Variants in PTPRN2 observed in about 807,000 individuals in gnomAD.
PTPRN2 encodes protein tyrosine phosphatase receptor type N2, also known as receptor-type tyrosine-protein phosphatase N2.
In PTPRN2, 74 loss-of-function variants were observed where a neutral mutation model predicts 118.8. The ratio of observed to expected loss-of-function variants is 0.62; its 90% CI spans 0.52 to 0.76. The LOEUF (loss-of-function observed/expected upper bound fraction) is 0.76. PTPRN2 is among the 30% of genes least tolerant of loss of function. The probability of loss-of-function intolerance (pLI) is 0.00; values close to 1 mark genes in which losing one functional copy is unlikely to be tolerated. For missense variants in PTPRN2, 1,481 were observed against 1,394.4 expected (o/e 1.06, Z -0.99); for synonymous variants, 641 against 608.0 (o/e 1.05, Z -0.80).
intron 12 of PTPRN2, among the ~76,000 whole-genome samples, chr7:157,701,768 G>A (rs1798078726): frequency 6.6e-6 from 1 of 152,166 alleles, no homozygotes; most frequent in Non-Finnish European, 1.5e-5. Context: ...TGGTGTAACT[G>A]ACACGGGCTG....
intron 12 of PTPRN2, among the ~76,000 whole-genome samples, chr7:157,761,598 T>C (rs1198851676): frequency 7.0e-6 from 1 of 142,056 alleles, no homozygotes; most frequent in African/African-American, 2.7e-5. Context: ...CAAAAATCAA[T>C]TCAAGATGGA....
At chr7:157,896,806 T>C (rs987185650) in intron 12 of PTPRN2, among the ~76,000 whole-genome samples, 1 of 152,206 alleles carries the variant, frequency 6.6e-6, no homozygotes, top group Non-Finnish European at 1.5e-5. Flanking sequence ...GCTCCACCTG[T>C]CACCATGTCC....
chr7:158,202,963 G>T (rs149490667), intron 4 of PTPRN2, among the ~76,000 whole-genome samples: 1 of 152,066 alleles, frequency 6.6e-6, no homozygotes, highest in Non-Finnish European at 1.5e-5. Context: ...GCCAGATGTG[G>T]TGGCTCATGC....
intron 16 of PTPRN2, among the ~76,000 whole-genome samples, chr7:157,600,120 C>T (rs1328752491): frequency 1.2e-5 from 1 of 82,458 alleles, no homozygotes; most frequent in Non-Finnish European, 2.5e-5. Flanking sequence ...CACCTCTCCA[C>T]CTGCCCACCT....
chr7:158,359,034 G>A (rs1417537099), intron 2 of PTPRN2, among the ~76,000 whole-genome samples: 1 of 152,166 alleles, frequency 6.6e-6, no homozygotes, highest in South Asian at 2.1e-4. Context: ...TAAGGAGTCT[G>A]GACTATGAGG....
At chr7:158,185,965 T>C (rs542921722) in intron 5 of PTPRN2, among the ~76,000 whole-genome samples, 3 of 152,014 alleles carry the variant, frequency 2.0e-5, no homozygotes, top group South Asian at 4.2e-4. Flanking sequence ...GAAGGCCACA[T>C]GGGGCACTCC....
rs894809525 is a variant in PTPRN2 at position 157,670,223 on chromosome 7, G to A, written c.2001+12502C>T. ...TGGCTGGGAAACGCAGGTGCTCCAC[G>A]TGAAGCACAGAAGGCACGTACGGGC... is the stretch of plus-strand genomic sequence containing the variant. On this transcript the variant is annotated intron_variant, in intron 13 of 22. Transcript: ENST00000389418. Among the ~76,000 whole-genome samples the A allele has an allele frequency of 2.6e-5, 4 of 152,292 alleles. No individual in the cohort carries two copies. The South Asian group carries it at 6.2e-4, about 24-fold the overall frequency.
intron 6 of PTPRN2, among the ~76,000 whole-genome samples, chr7:158,150,377 C>T (rs888399007): frequency 5.3e-5 from 8 of 152,198 alleles, no homozygotes; most frequent in Admixed American, 2.6e-4. Context: ...CCCCAGTCTC[C>T]GCCCTCCACA....
At chr7:158,142,388 C>T (rs1563499618) in intron 6 of PTPRN2, among the ~76,000 whole-genome samples, 1 of 152,232 alleles carries the variant, frequency 6.6e-6, no homozygotes, top group South Asian at 2.1e-4. Flanking sequence ...CTGGCGCATC[C>T]CTGTATCGAC....
chr7:157,894,215 A>G (rs1027917534), intron 12 of PTPRN2, among the ~76,000 whole-genome samples: 1 of 152,240 alleles, frequency 6.6e-6, no homozygotes, highest in African/African-American at 2.4e-5. Flanking sequence ...AGCCGAGAGC[A>G]CAGGAAGAAA....
chr7:158,160,715 A>G (rs950385635), intron 6 of PTPRN2, among the ~76,000 whole-genome samples: 1 of 152,184 alleles, frequency 6.6e-6, no homozygotes, highest in African/African-American at 2.4e-5. Flanking sequence ...ACAATTACCA[A>G]GCAGAGGGAC....
At chr7:158,250,549 T>C (rs1174840247) in intron 3 of PTPRN2, among the ~76,000 whole-genome samples, 1 of 151,834 alleles carries the variant, frequency 6.6e-6, no homozygotes, top group Non-Finnish European at 1.5e-5. Flanking sequence ...ATTCCATACA[T>C]ATGCACACAC....
chr7:158,316,473 C>G (rs749092323), intron 3 of PTPRN2, among the ~76,000 whole-genome samples: 1 of 152,222 alleles, frequency 6.6e-6, no homozygotes, highest in African/African-American at 2.4e-5. Flanking sequence ...CAGGCAGAGG[C>G]TGATTCTCTC....
intron 21 of PTPRN2, among the ~76,000 whole-genome samples, chr7:157,557,439 A>C (rs781522708): frequency 7.3e-5 from 11 of 151,040 alleles, no homozygotes; most frequent in Non-Finnish European, 1.5e-4. Context: ...AACATTCCAC[A>C]CCCATATCAC....
intron 11 of PTPRN2, among the ~76,000 whole-genome samples, chr7:157,982,118 G>A (rs1803243237): frequency 7.8e-6 from 1 of 127,884 alleles, no homozygotes. Context: ...GAGACAAGGA[G>A]GGGAATGCAG....
At chr7:158,459,040 C>T (rs141136158) in intron 2 of PTPRN2, among the ~76,000 whole-genome samples, 2,901 of 152,264 alleles carry the variant, frequency 0.019, 46 homozygotes, top group Admixed American at 0.026. Context: ...GTGCCGCGGC[C>T]ATCACAGGGT....
chr7:157,788,374 C>CAAAAAAGAAAAAA (rs1804210115), intron 12 of PTPRN2, among the ~76,000 whole-genome samples: 1 of 75,552 alleles, frequency 1.3e-5, no homozygotes, highest in Non-Finnish European at 2.7e-5. Flanking sequence ...GACTCCATCT[C>CAAAAAAGAAAAAA]AAAAAAAAAA....
chr7:158,556,703 G>A lies in PTPRN2; in HGVS notation c.112+30855C>T, dbSNP rs1241181388. ...AGAGAACACTGCAGCTCCCGCGCAG[G>A]TCAGACGGCTCCCGGGCAGGTCAGG... On this transcript the variant is annotated intron_variant, in intron 1 of 22. Transcript: ENST00000389418. Among the ~76,000 whole-genome samples the A allele has an allele frequency of 2.0e-5, 3 of 152,188 alleles. 1 individual carries two copies.
intron 2 of PTPRN2, among the ~76,000 whole-genome samples, chr7:158,477,113 C>A (rs1422727064): frequency 1.3e-5 from 2 of 152,204 alleles, no homozygotes; most frequent in Non-Finnish European, 2.9e-5. Context: ...GCCAGTCACA[C>A]GGAGTGATGC....
Sources: gnomAD v4.1 joint callset for allele counts (sites outside exome capture counted in the v4.1 genomes callset) on GRCh38, gnomAD v4.1.1 for gene constraint, MANE v1.5 for transcripts, NCBI Gene and HGNC (gene_info 2026-07-23, HGNC 2026-07-21) for gene names.